UPRT: variants seen among roughly 807,000 people sequenced by gnomAD.
The protein encoded by UPRT is RP11-311P8.3.
In UPRT, 5 loss-of-function variants were observed where a neutral mutation model predicts 22.6. That is an observed-to-expected ratio of 0.22 (90% CI 0.12 to 0.47). The LOEUF (loss-of-function observed/expected upper bound fraction) is 0.47. UPRT is among the 20% of genes least tolerant of loss of function. UPRT has a pLI of 0.99. For missense variants in UPRT, 181 were observed against 239.9 expected, an observed-to-expected ratio of 0.75 and a Z score of 1.62; for synonymous variants, 77 against 87.7, an observed-to-expected ratio of 0.88 and a Z score of 0.68.
At chrX:75,193,549 T>G (rs1184644484) in intron 4 of UPRT, among the ~76,000 whole-genome samples, 1 of 112,159 alleles carries the variant, frequency 8.9e-6, no homozygotes, top group Non-Finnish European at 1.9e-5. Context: ...AAAATATGTT[T>G]TCCAAGTTCC....
chrX:75,247,255 C>T (rs2082509904), intron 4 of UPRT, among the ~76,000 whole-genome samples: 1 of 111,059 alleles, frequency 9.0e-6, no homozygotes, highest in Non-Finnish European at 1.9e-5. Flanking sequence ...AGCAGCACAC[C>T]GTGTGTGGGC....
chrX:75,178,674 C>T (rs761338326), intron 4 of UPRT, among the ~76,000 whole-genome samples: 1 of 109,655 alleles, frequency 9.1e-6, no homozygotes, highest in African/African-American at 3.3e-5. Flanking sequence ...CTTAAGGCAG[C>T]GCATTTGGAG....
At chrX:75,233,036 G>A (rs980075478) in intron 4 of UPRT, among the ~76,000 whole-genome samples, 1 of 111,549 alleles carries the variant, frequency 9.0e-6, no homozygotes, top group Non-Finnish European at 1.9e-5. Flanking sequence ...TGAAAACTTT[G>A]AAAAAAATTA....
intron 2 of UPRT, among the ~76,000 whole-genome samples, chrX:75,295,604 G>T (rs763120686): frequency 8.9e-6 from 1 of 112,210 alleles, no homozygotes; most frequent in African/African-American, 3.2e-5. Context: ...GCTCCCTGCT[G>T]TTGCAGATTC....
At chrX:75,285,758 T>C (rs1180710228) in intron 1 of UPRT, among the ~76,000 whole-genome samples, 3 of 111,048 alleles carry the variant, frequency 2.7e-5, no homozygotes, top group African/African-American at 9.8e-5. Flanking sequence ...AGGTAAATAG[T>C]TATTGACACT....
In UPRT at chrX:75,304,393, A is replaced by G. The variant is rs1473733824; in HGVS notation, c.*882A>G. 1 of 111,405 alleles carries G rather than the reference A, an allele frequency of 9.0e-6. No individual in the cohort carries two copies. The highest frequency in any genetic ancestry group is 3.3e-5 in the African/African-American group (1 of 30,631). The allele number at this position is 111,405 out of a possible 1,213,427, so 9.2% of individuals were successfully genotyped here. On this transcript the variant is annotated 3_prime_UTR_variant, in exon 7 of 7. Coordinates refer to ENST00000373383, the MANE Select transcript of UPRT (RefSeq NM_145052.4). ...TCTGCTAGAGACCTTTGATTTGGAA[A>G]TTAGTTATTTTGCATGTTTGTCAAC...
Position 75,168,131 on chromosome X carries a change from G to A in UPRT, c.-447+252G>A, listed in dbSNP as rs1329698203. 3.6e-5 allele frequency among the ~76,000 whole-genome samples: 4 copies of A among 111,650 alleles called. No homozygotes were observed. In the South Asian group the frequency reaches 1.1e-3, roughly 31 times the overall value. On this transcript the variant is annotated intron_variant, in intron 4 of 13. Coordinates refer to the UPRT transcript ENST00000652605. ...ACCTCCGTTCTGTTCCTTTCCCATC[G>A]CACTTTTTCTAAAATGAATTGCAGA...
chrX:75,232,212 G>C (rs918601697), intron 4 of UPRT, among the ~76,000 whole-genome samples: 7 of 112,359 alleles, frequency 6.2e-5, no homozygotes, highest in Non-Finnish European at 1.3e-4. Flanking sequence ...ACTCCCACCC[G>C]AATACTGCGC....
Position 75,274,435 on chromosome X carries a change from C to T in UPRT, c.181C>T (p.Pro61Ser), listed in dbSNP as rs1479722154. The T allele has an allele frequency of 8.3e-7, 1 of 1,211,318 alleles. No homozygotes were observed. The change falls in exon 1 of 7, where the codon CCG becomes TCG. Residue 61 changes from proline to serine, a missense_variant. Physicochemically the swap from Pro to Ser is moderately conservative, Grantham distance 74 (BLOSUM62 -1). Coordinates refer to ENST00000373383, the MANE Select transcript of UPRT (RefSeq NM_145052.4). ...CACGGGGTACGCCCATTCTAGCCTG[C>T]CGGCCGAGCTGGACTCTGGGGCCTG... is the stretch of plus-strand genomic sequence containing the variant. Reference protein sequence around the residue: ...LLTGYAHSSLPAELDSGACGG... With the variant: ...LLTGYAHSSLSAELDSGACGG...
At chrX:75,251,830 A>T (rs747763586) in intron 4 of UPRT, among the ~76,000 whole-genome samples, 3 of 111,565 alleles carry the variant, frequency 2.7e-5, no homozygotes, top group African/African-American at 9.8e-5. Context: ...GGCTACAGTA[A>T]CCAAAACAGC....
chrX:75,187,052 G>T (rs10126253), intron 4 of UPRT, among the ~76,000 whole-genome samples: 2,859 of 110,769 alleles, frequency 0.026, 107 homozygotes, highest in African/African-American at 0.091. Flanking sequence ...TGTGTGCATT[G>T]GATCCTGTCA....
intron 1 of UPRT, among the ~76,000 whole-genome samples, chrX:75,281,959 T>C (rs999470017): frequency 3.6e-5 from 4 of 111,520 alleles, no homozygotes; most frequent in Admixed American, 9.5e-5. Context: ...TATTGGTCTG[T>C]TCAGGGTATC....
intron 4 of UPRT, among the ~76,000 whole-genome samples, chrX:75,221,056 T>C (rs1478323513): frequency 8.9e-6 from 1 of 112,037 alleles, no homozygotes; most frequent in African/African-American, 3.2e-5. Context: ...ATTTTTCTTT[T>C]ACATTTAAAA....
chrX:75,241,902 G>A (rs1038517040), intron 4 of UPRT, among the ~76,000 whole-genome samples: 3 of 110,409 alleles, frequency 2.7e-5, no homozygotes, highest in African/African-American at 6.6e-5. Flanking sequence ...TGATACAATG[G>A]ACTCTGGGGA....
intron 4 of UPRT, among the ~76,000 whole-genome samples, chrX:75,225,365 A>ACACACACC (rs756828193): frequency 4.7e-5 from 5 of 106,515 alleles, no homozygotes; most frequent in Admixed American, 2.0e-4. Context: ...ACACACACAC[A>ACACACACC]CCCTAGGTGG....
chrX:75,284,243 T>C (rs1353452620), intron 1 of UPRT, among the ~76,000 whole-genome samples: 2 of 111,869 alleles, frequency 1.8e-5, no homozygotes, highest in Non-Finnish European at 3.8e-5. Flanking sequence ...TTTGCCTTTC[T>C]CTGGTGCCTC....
At chrX:75,196,874 TAAA>T (rs2147621316) in intron 4 of UPRT, among the ~76,000 whole-genome samples, 1 of 111,154 alleles carries the variant, frequency 9.0e-6, no homozygotes, top group African/African-American at 3.3e-5. Context: ...ATAATAATAA[TAAA>T]AGTGATGAAT....
At chrX:75,190,710 C>A (rs190156872) in intron 4 of UPRT, among the ~76,000 whole-genome samples, 3 of 111,633 alleles carry the variant, frequency 2.7e-5, no homozygotes, top group African/African-American at 9.8e-5. Flanking sequence ...CTTCTCTTCT[C>A]GCTTCATTTC....
chrX:75,200,227 G>T (rs2147622729), intron 4 of UPRT, among the ~76,000 whole-genome samples: 1 of 112,288 alleles, frequency 8.9e-6, no homozygotes, highest in African/African-American at 3.2e-5. Flanking sequence ...TCTCTCATCT[G>T]GACTTTTGTA....
Sources: gnomAD v4.1 joint callset for allele counts (sites outside exome capture counted in the v4.1 genomes callset) on GRCh38, gnomAD v4.1.1 for gene constraint, MANE v1.5 for transcripts, NCBI Gene and HGNC (gene_info 2026-07-23, HGNC 2026-07-21) for gene names.